The following PASK variants were observed in gnomAD, a reference collection of about 807,000 sequenced individuals.
PASK encodes PAS domain-containing serine/threonine-protein kinase.
PASK carries 110 observed loss-of-function variants against 121.0 expected under a neutral mutation model. That is an observed-to-expected ratio of 0.91 (90% CI 0.78 to 1.06). PASK has a LOEUF of 1.06. PASK is among the 50% of genes least tolerant of loss of function. PASK has a pLI of 0.00. For missense variants in PASK, 1,643 were observed against 1,702.3 expected (o/e 0.97, Z 0.61); for synonymous variants, 686 against 717.8 (o/e 0.96, Z 0.71).
At position 241,137,166 on chromosome 2, in the gene PASK, G is replaced by C. The variant is rs773179269; in HGVS notation, c.975C>G (p.Thr325=). The change falls in exon 7 of 18, where the codon ACC becomes ACG. Residue 325 remains threonine (T), a synonymous_variant. Coordinates refer to ENST00000234040, the MANE Select transcript of PASK (RefSeq NM_015148.4). ...CGCTCACAGGGGCCGCCTCACCGGT[G>C]GTCGCCTCCTCGCTGCTGGGTTGGG... ...LKSQPSSEEA[T]TGEAAPVSGY... is the part of the protein sequence containing the mutation. 1 of 1,612,890 alleles carries C rather than the reference G, an allele frequency of 6.2e-7. No individual in the cohort carries two copies. Among genetic ancestry groups the C allele is most frequent in the Admixed American group, 1.7e-5 (1 of 60,030 alleles).
Position 241,135,924 on chromosome 2 carries a change from C to T in PASK, c.1253G>A (p.Gly418Glu), listed in dbSNP as rs2066399398. The T allele has an allele frequency of 7.4e-6, 12 of 1,614,232 alleles. No homozygotes were observed. Among genetic ancestry groups the T allele is most frequent in the East Asian group, 4.5e-5 (2 of 44,884 alleles). ...CTGCCACGGGTCCAAGGTTCTCTCC[C>T]CACACCCACTCTCATTGCCGACGTC... ...CLDVGNESGC[G>E]ERTLDPWQGQ... The change falls in exon 8 of 18, where the codon GGG becomes GAG. Residue 418 changes from glycine (G) to glutamate (E), a missense_variant. By Grantham distance (98) the Gly-to-Glu change is moderately conservative (BLOSUM62 -2). Transcript: ENST00000234040.
intron 12 of PASK, among the ~76,000 whole-genome samples, chr2:241,115,844 A>G (rs543559101): frequency 5.6e-5 from 7 of 125,448 alleles, no homozygotes; most frequent in East Asian, 2.3e-4. Flanking sequence ...CAAGCATCCC[A>G]TTACGCCGGG....
In PASK at chr2:241,112,469, T is replaced by A; in HGVS notation, c.3334-30A>T. ...AATCAGGAGGCCAGAGGGGGCTTTT[T>A]AAAAAAGCAATTCAACTAAAATATG... is the stretch of plus-strand genomic sequence containing the variant. On this transcript the variant is annotated intron_variant, in intron 14 of 17. Transcript: ENST00000234040. The surrounding 1 kb of genome is among the most constrained non-coding windows in gnomAD (Gnocchi z 5.2). 1 of 1,489,334 alleles carries A rather than the reference T, an allele frequency of 6.7e-7. No individual in the cohort carries two copies. The highest frequency in any genetic ancestry group is 1.9e-4 in the Middle Eastern group (1 of 5,312). The allele number at this position is 1,489,334 out of a possible 1,614,324, so 92.3% of individuals were successfully genotyped here.
Position 241,127,344 on chromosome 2 carries a change from C to G in PASK, c.1571G>C (p.Ser524Thr), listed in dbSNP as rs201390908. The change falls in exon 10 of 18, where the codon AGC becomes ACC. Residue 524 changes from serine (S) to threonine (T), a missense_variant. Physicochemically the swap from Ser to Thr is moderately conservative, Grantham distance 58. This residue lies in a region of PASK where 1,176 missense variants were observed against 1,162.2 expected (regional missense o/e 1.01). Transcript: ENST00000234040. ...TTCTCCCAGAAGATCCTGTCCGGGGCTCTCTATTGCCACAGGTTCCTCTCT... is the reference window on the plus strand; with the variant it reads ...TTCTCCCAGAAGATCCTGTCCGGGGGTCTCTATTGCCACAGGTTCCTCTCT... ...LGREEPVAIE[S>T]PGQDLLGESR... is the part of the protein sequence containing the mutation. The G allele has an allele frequency of 1.9e-6, 3 of 1,614,202 alleles. No homozygotes were observed. The highest frequency in any genetic ancestry group is 2.5e-6 in the Non-Finnish European group (3 of 1,180,026).
rs539716574 is a variant in PASK, at chr2:241,146,351, A to G, written c.-43+3063T>C. Among the ~76,000 whole-genome samples, 10 of 152,336 alleles carry G rather than the reference A, an allele frequency of 6.6e-5. No individual in the cohort carries two copies. In the South Asian group the frequency reaches 2.1e-3, roughly 32 times the overall value. The stretch of plus-strand genomic sequence containing the variant: ...GATACAGCACTTTTCACTTAGATTT[A>G]TATTTCAGAGAAATTTTTGCAAACA... On this transcript the variant is annotated intron_variant, in intron 1 of 17. Transcript: ENST00000234040.
intron 11 of PASK, among the ~76,000 whole-genome samples, chr2:241,123,174 C>CTTTT (rs528024638): frequency 7.5e-6 from 1 of 132,936 alleles, no homozygotes; most frequent in Admixed American, 7.4e-5. Context: ...AAAGTGGCTT[C>CTTTT]TTTTTTTTTT....
intron 9 of PASK, among the ~76,000 whole-genome samples, chr2:241,128,348 T>C (rs1222527938): frequency 3.3e-5 from 5 of 152,134 alleles, no homozygotes; most frequent in Non-Finnish European, 7.4e-5. Context: ...GGGCGGCTCC[T>C]AAGAGGTGGC....
At chr2:241,118,559 ACATG>A (rs200904522) in intron 12 of PASK, among the ~76,000 whole-genome samples, 3,703 of 152,346 alleles carry the variant, frequency 0.024, 149 homozygotes, top group African/African-American at 0.084. Flanking sequence ...TCAAAGACTT[ACATG>A]TAAAATCTAA....
chr2:241,123,505 A>G (rs1336442464), intron 11 of PASK, among the ~76,000 whole-genome samples: 7 of 151,982 alleles, frequency 4.6e-5, no homozygotes, highest in African/African-American at 1.7e-4. Context: ...CACACTGGAT[A>G]TTAAAAGACA....
In PASK at chr2:241,139,944, C is replaced by T; in HGVS notation, c.541G>A (p.Ala181Thr). The change falls in exon 4 of 18, where the codon GCC becomes ACC. Residue 181 changes from alanine (A) to threonine (T), a missense_variant. Ala to Thr is a moderately conservative substitution (Grantham distance 58, BLOSUM62 0). Coordinates refer to ENST00000234040, the MANE Select transcript of PASK (RefSeq NM_015148.4). Reference sequence around the variant, plus strand: ...GCCTCCATGTGCTCCTCGCTGAGGGCCTCCACCACATCAGAATCTGACCTC... The same window carrying T: ...GCCTCCATGTGCTCCTCGCTGAGGGTCTCCACCACATCAGAATCTGACCTC... Reference protein sequence around the residue: ...FLRSDSDVVEALSEEHMEADG... With the variant: ...FLRSDSDVVETLSEEHMEADG... The T allele has an allele frequency of 2.5e-6, 4 of 1,614,164 alleles. No homozygotes were observed. The highest frequency in any genetic ancestry group is 3.4e-6 in the Non-Finnish European group (4 of 1,179,964).
chr2:241,131,067 AG>A (rs113598709), intron 9 of PASK, among the ~76,000 whole-genome samples: 8,780 of 151,966 alleles, frequency 0.058, 843 homozygotes, highest in African/African-American at 0.2. Context: ...GGATTGGAGG[AG>A]GGGGATTGGA....
rs367872189 is a variant in PASK at position 241,106,583 on chromosome 2, G to A, written c.3955C>T (p.Arg1319Cys). 24 of 1,614,072 alleles carry A rather than the reference G, an allele frequency of 1.5e-5. No homozygotes were observed. The highest frequency in any genetic ancestry group is 1.2e-4 in the African/African-American group (9 of 74,916). ...ATTGGTGTTTAGCTGGTCAGCAGAC[G>A]GGGATCCCCGGGATGCAAACAGCCT... is the stretch of plus-strand genomic sequence containing the variant. Reference protein sequence around the residue: ...GQGCLHPGDPRLLTS With the variant: ...GQGCLHPGDPCLLTS The change falls in exon 18 of 18, where the codon CGT (arginine) becomes TGT (cysteine). Residue 1319 changes from arginine to cysteine, a missense_variant. Arg to Cys is a radical substitution (Grantham distance 180). Around this residue, in one of 3 missense-constraint regions of PASK, gnomAD observed 453 missense variants for 511.2 expected, o/e 0.89. Transcript: ENST00000234040.
At chr2:241,127,762 G>C (rs1293024380) in intron 9 of PASK, 1 of 401,618 alleles carries the variant, frequency 2.5e-6, no homozygotes, top group Non-Finnish European at 4.7e-6. Context: ...CCCCCCGTCA[G>C]CCGTGCAGCC....
At chr2:241,132,174 C>T (rs990100020) in intron 9 of PASK, among the ~76,000 whole-genome samples, 1 of 151,814 alleles carries the variant, frequency 6.6e-6, no homozygotes, top group Admixed American at 6.6e-5. Flanking sequence ...TCCAAATGTT[C>T]CTAATTCTCT....
At chr2:241,139,148 G>C (rs1244376179) in intron 4 of PASK, among the ~76,000 whole-genome samples, 1 of 152,122 alleles carries the variant, frequency 6.6e-6, no homozygotes, top group Admixed American at 6.5e-5. Context: ...GTGATTTTCT[G>C]ATACAATTGG....
chr2:241,143,580 T>C lies in PASK; in HGVS notation c.-42-506A>G, dbSNP rs183352393. On this transcript the variant is annotated intron_variant, in intron 1 of 17. Transcript: ENST00000234040. The stretch of plus-strand genomic sequence containing the variant: ...AAAAAGAAAAAAAAAAAGAAGCTCT[T>C]TCCAAGAAAAATACATAGGAAGATA... 2.5e-3 allele frequency among the ~76,000 whole-genome samples: 379 copies of C among 151,862 alleles called. 4 individuals carry two copies. Among genetic ancestry groups the C allele is most frequent in the Non-Finnish European group, 2.0e-3 (133 of 67,930 alleles).
chr2:241,124,297 G>C (rs192740755), intron 10 of PASK, among the ~76,000 whole-genome samples, 164 bp from the exon 11 acceptor site: 10 of 152,358 alleles, frequency 6.6e-5, no homozygotes, highest in Non-Finnish European at 7.3e-5. Context: ...AGCCCAGGCA[G>C]AGGCAGGCAG....
chr2:241,125,877 C>A (rs1304387169), intron 10 of PASK, among the ~76,000 whole-genome samples: 2 of 152,124 alleles, frequency 1.3e-5, no homozygotes, highest in Non-Finnish European at 2.9e-5. Context: ...CCACGCTTCT[C>A]CTGCTCCCGA....
At chr2:241,117,973 C>A (rs1173958526) in intron 12 of PASK, among the ~76,000 whole-genome samples, 1 of 152,060 alleles carries the variant, frequency 6.6e-6, no homozygotes. Flanking sequence ...AAGACTTGTA[C>A]ACTGAAATTA....
Sources: allele counts gnomAD v4.1 joint callset (sites outside exome capture counted in the v4.1 genomes callset), GRCh38; gene constraint gnomAD v4.1.1; regional missense constraint gnomAD v4.1.1; non-coding constraint Gnocchi (gnomAD v3.1); transcripts MANE v1.5; gene names NCBI Gene and HGNC (gene_info 2026-07-23, HGNC 2026-07-21).